Variants in LPP observed in about 807,000 individuals in gnomAD.
The protein encoded by LPP is LIM domain containing preferred translocation partner in lipoma, also known as lipoma-preferred partner.
A neutral mutation model predicts 60.4 loss-of-function variants in LPP; 38 were observed. The ratio of observed to expected loss-of-function variants is 0.63; its 90% CI spans 0.49 to 0.83. The LOEUF is 0.83. Ranked by LOEUF, LPP falls within the 40% of genes least tolerant of loss-of-function variation. The probability of loss-of-function intolerance (pLI) is 0.00; values close to 1 mark genes in which losing one functional copy is unlikely to be tolerated. For synonymous variants in LPP, 328 were observed against 290.8 expected, an observed-to-expected ratio of 1.13 and a Z score of -1.30; for missense variants, 902 against 783.6, an observed-to-expected ratio of 1.15 and a Z score of -1.80.
At chr3:188,356,670 C>T (rs1455678898) in intron 3 of LPP, among the ~76,000 whole-genome samples, 3 of 152,166 alleles carry the variant, frequency 2.0e-5, no homozygotes, top group African/African-American at 7.2e-5. Flanking sequence ...TCTTGGCTAA[C>T]CTGGTCACTA....
At position 188,203,405 on chromosome 3, in the gene LPP, T is replaced by C. The variant is rs1429941738; in HGVS notation, c.-189-22000T>C. 8.4e-3 allele frequency among the ~76,000 whole-genome samples: 453 copies of C among 54,242 alleles called. 7 individuals are homozygous for C. Among genetic ancestry groups the C allele is most frequent in the Admixed American group, 0.066 (189 of 2,860 alleles). 35.6% of individuals were successfully genotyped at this position (54,242 alleles called of 152,430 possible). A position where few individuals can be genotyped will look rare whatever the true frequency, so the allele number is the denominator to read the frequency against. On this transcript the variant is annotated intron_variant, in intron 1 of 11. Transcript: ENST00000617246. ...ATATTTATATATTAATATATATTTT[T>C]ATAAATATATATATAATATAAATAT... is the stretch of plus-strand genomic sequence containing the variant.
chr3:188,392,818 C>T (rs1780016622), intron 3 of LPP, among the ~76,000 whole-genome samples: 1 of 151,972 alleles, frequency 6.6e-6, no homozygotes, highest in Non-Finnish European at 1.5e-5. Flanking sequence ...GTAACAAAAC[C>T]CACCCAGACA....
chr3:188,179,788 T>C (rs539139620), intron 1 of LPP: 1 of 307,802 alleles, frequency 3.2e-6, no homozygotes, highest in South Asian at 2.7e-5. Context: ...AGTGAGCCTT[T>C]CTTCCTCTTC....
At position 188,883,778 on chromosome 3, in the gene LPP, TC is replaced by T. The variant is rs1560348688; in HGVS notation, c.*9303del. ...AAGGTTGGGAAATATTGGTGTATAA[TC>T]CCCATGTCTAACAAGGAAGAAGTCA... On this transcript the variant is annotated 3_prime_UTR_variant, in exon 12 of 12. Transcript: ENST00000617246. The T allele has an allele frequency of 6.2e-6, 1 of 161,006 alleles. No individual in the cohort carries two copies. The highest frequency in any genetic ancestry group is 2.6e-5 in the African/African-American group (1 of 38,488). The allele number at this position is 161,006 out of a possible 1,614,324, so 10.0% of individuals were successfully genotyped here. A position where few individuals can be genotyped will look rare whatever the true frequency, so the allele number is the denominator to read the frequency against.
intron 9 of LPP, among the ~76,000 whole-genome samples, chr3:188,821,482 T>G (rs1753943953): frequency 6.6e-6 from 1 of 151,770 alleles, no homozygotes; most frequent in Non-Finnish European, 1.5e-5. Flanking sequence ...AAGGATAAAT[T>G]TCAAAATCAC....
chr3:188,459,930 A>T (rs1344647078), intron 4 of LPP, among the ~76,000 whole-genome samples: 2 of 152,082 alleles, frequency 1.3e-5, no homozygotes, highest in Non-Finnish European at 2.9e-5. Context: ...TCTTATGTTC[A>T]TGTATCTTTT....
intron 7 of LPP, among the ~76,000 whole-genome samples, chr3:188,644,668 A>T (rs1481257518): frequency 1.9e-4 from 29 of 152,200 alleles, no homozygotes; most frequent in Admixed American, 1.8e-3. Flanking sequence ...ATTGCAAAAG[A>T]GTGGGTTTTT....
At chr3:188,603,239 A>G (rs1355351266) in intron 6 of LPP, among the ~76,000 whole-genome samples, 2 of 150,772 alleles carry the variant, frequency 1.3e-5, no homozygotes, top group African/African-American at 5.0e-5. Context: ...TCATTCTCCA[A>G]TTTATTCAAT....
chr3:188,503,571 C>G (rs923879534), intron 5 of LPP, among the ~76,000 whole-genome samples: 1 of 150,658 alleles, frequency 6.6e-6, no homozygotes, highest in African/African-American at 2.4e-5. Context: ...CATTTCTTCT[C>G]AACCTGCAGG....
intron 6 of LPP, among the ~76,000 whole-genome samples, chr3:188,533,107 A>G (rs917488508): frequency 2.6e-5 from 4 of 152,136 alleles, no homozygotes; most frequent in African/African-American, 9.7e-5. Flanking sequence ...TGTGTGTTGT[A>G]TTTAGAGCTT....
intron 4 of LPP, among the ~76,000 whole-genome samples, chr3:188,410,346 T>G (rs890458476): frequency 6.6e-6 from 1 of 152,252 alleles, no homozygotes; most frequent in Non-Finnish European, 1.5e-5. Context: ...TTTCTCACCT[T>G]GGTGTTACGT....
At chr3:188,159,283 A>G (rs1717470642) in intron 1 of LPP, among the ~76,000 whole-genome samples, 1 of 152,156 alleles carries the variant, frequency 6.6e-6, no homozygotes, top group Non-Finnish European at 1.5e-5. Context: ...CTGAGGGAAC[A>G]CCTACAATCC....
At chr3:188,482,733 G>A (rs1371058427) in intron 4 of LPP, among the ~76,000 whole-genome samples, 2 of 152,156 alleles carry the variant, frequency 1.3e-5, no homozygotes, top group African/African-American at 4.8e-5. Context: ...ATTGTCATAA[G>A]GATATGTACA....
chr3:188,448,911 T>C (rs554026105), intron 4 of LPP, among the ~76,000 whole-genome samples: 103 of 152,370 alleles, frequency 6.8e-4, no homozygotes, highest in African/African-American at 2.1e-3. Context: ...AACTGTATTC[T>C]ACCTTCTTAA....
At chr3:188,208,458 A>G (rs1362971686) in intron 1 of LPP, 1 of 152,208 alleles carries the variant, frequency 6.6e-6, no homozygotes, top group Non-Finnish European at 1.5e-5. Flanking sequence ...CTGCAGCTTG[A>G]AATACCTTGT....
intron 7 of LPP, among the ~76,000 whole-genome samples, chr3:188,663,103 A>G (rs2149137125): frequency 6.6e-6 from 1 of 152,012 alleles, no homozygotes; most frequent in African/African-American, 2.4e-5. Flanking sequence ...GTGGGGAGAA[A>G]AACAAACAAA....
chr3:188,522,190 A>G (rs1382381271), intron 5 of LPP, among the ~76,000 whole-genome samples: 2 of 152,196 alleles, frequency 1.3e-5, no homozygotes, highest in East Asian at 1.9e-4. Context: ...CAGACTCAGA[A>G]AAGTCTAAAT....
chr3:188,397,873 C>T (rs1326537865), intron 3 of LPP, among the ~76,000 whole-genome samples: 1 of 152,096 alleles, frequency 6.6e-6, no homozygotes, highest in Non-Finnish European at 1.5e-5. Context: ...CTCGGCCTCC[C>T]AAAGTGCTGG....
chr3:188,577,319 T>C (rs530858216), intron 6 of LPP, among the ~76,000 whole-genome samples: 1 of 152,324 alleles, frequency 6.6e-6, no homozygotes, highest in South Asian at 2.1e-4. Flanking sequence ...ACACCCTAGT[T>C]ACTTCCATGC....
Sources: gnomAD v4.1 joint callset for allele counts (sites outside exome capture counted in the v4.1 genomes callset) on GRCh38, gnomAD v4.1.1 for gene constraint, MANE v1.5 for transcripts, NCBI Gene and HGNC (gene_info 2026-07-23, HGNC 2026-07-21) for gene names.